Variants in ATP8B4 observed in about 807,000 individuals in gnomAD.
ATP8B4 encodes the protein ATPase phospholipid transporting 8B4 (putative), also known as probable phospholipid-transporting ATPase IM.
In ATP8B4, 133 loss-of-function variants were observed where a neutral mutation model predicts 145.6. The observed-to-expected ratio is 0.91, with a 90% CI of 0.79 to 1.05. The LOEUF (loss-of-function observed/expected upper bound fraction) is 1.05, where lower values mean the gene tolerates loss of function less well. Ranked by LOEUF, ATP8B4 falls within the 50% of genes least tolerant of loss-of-function variation. The probability of loss-of-function intolerance (pLI) is 0.00; values close to 1 mark genes in which losing one functional copy is unlikely to be tolerated. For synonymous variants in ATP8B4, 507 were observed against 492.9 expected, an observed-to-expected ratio of 1.03 and a Z score of -0.38; for missense variants, 1,458 against 1,425.2, an observed-to-expected ratio of 1.02 and a Z score of -0.37.
At chr15:49,978,931 T>C (rs1444543243) in intron 12 of ATP8B4, among the ~76,000 whole-genome samples, 3 of 152,088 alleles carry the variant, frequency 2.0e-5, no homozygotes, top group Non-Finnish European at 4.4e-5. Flanking sequence ...ACAGATCAAA[T>C]TGTAGTAGAA....
At chr15:50,122,352 A>G (rs1222321995), upstream of ATP8B4, among the ~76,000 whole-genome samples, 1 of 152,204 alleles carries the variant, frequency 6.6e-6, no homozygotes, top group African/African-American at 2.4e-5. Flanking sequence ...TGCTGGAAGG[A>G]ATCAGATGTG....
intron 23 of ATP8B4, among the ~76,000 whole-genome samples, chr15:49,888,512 A>C (rs1029653428): frequency 6.6e-6 from 1 of 152,226 alleles, no homozygotes; most frequent in Non-Finnish European, 1.5e-5. Flanking sequence ...ACACAGTACC[A>C]GTAGTTGCAT....
intron 3 of ATP8B4, among the ~76,000 whole-genome samples, chr15:50,054,248 C>T (rs544731169): frequency 6.6e-6 from 1 of 152,294 alleles, no homozygotes; most frequent in South Asian, 2.1e-4. Context: ...CATAACGGAG[C>T]ACCCACCATC....
chr15:50,010,439 A>AT (rs982198929), intron 7 of ATP8B4, among the ~76,000 whole-genome samples: 1 of 151,724 alleles, frequency 6.6e-6, no homozygotes, highest in Non-Finnish European at 1.5e-5. Context: ...TCTCTAGCTT[A>AT]TTTTTTTTCA....
chr15:50,111,516 GC>G (rs957880289), intron 1 of ATP8B4, among the ~76,000 whole-genome samples: 11 of 152,158 alleles, frequency 7.2e-5, no homozygotes, highest in Non-Finnish European at 1.5e-4. Flanking sequence ...AGGACAAATG[GC>G]CCACTCTGGC....
upstream of ATP8B4, chr15:50,119,269 T>C (rs1403053583): frequency 6.6e-6 from 1 of 151,862 alleles, no homozygotes; most frequent in Non-Finnish European, 1.5e-5. Context: ...ACAAACTGGG[T>C]CTCTAGGGGG....
intron 3 of ATP8B4, among the ~76,000 whole-genome samples, chr15:50,063,660 T>C (rs1335064491): frequency 6.6e-6 from 1 of 152,132 alleles, no homozygotes; most frequent in Non-Finnish European, 1.5e-5. Context: ...TTAATAATCT[T>C]TCTCTACTTC....
At chr15:49,924,377 C>T (rs1274612427) in intron 16 of ATP8B4, among the ~76,000 whole-genome samples, 1 of 152,188 alleles carries the variant, frequency 6.6e-6, no homozygotes, top group Non-Finnish European at 1.5e-5. Flanking sequence ...CAACTTAAGA[C>T]AACTGCCTTT....
chr15:49,892,620 C>T (rs1354181444), intron 23 of ATP8B4, among the ~76,000 whole-genome samples: 1 of 152,152 alleles, frequency 6.6e-6, no homozygotes, highest in South Asian at 2.1e-4. Context: ...AGCATCCATT[C>T]CACAATGTCC....
At chr15:50,143,449 T>C (rs56328913) in intron 1 of ATP8B4, among the ~76,000 whole-genome samples, 8,446 of 152,336 alleles carry the variant, frequency 0.055, 270 homozygotes, top group African/African-American at 0.085. Flanking sequence ...GCTGCTTTAG[T>C]GTCCTCATAG....
chr15:50,047,431 GAAT>G lies in ATP8B4; in HGVS notation c.118_120del (p.Ile40del). 1 of 1,594,758 alleles carries G rather than the reference GAAT, an allele frequency of 6.3e-7. No individual in the cohort carries two copies. Among genetic ancestry groups the G allele is most frequent in the Non-Finnish European group, 8.6e-7 (1 of 1,162,560 alleles). ...AATAAATTAATTGGCAAGAAGGTGA[GAAT>G]ATTATATTTCGATGTGTGGATACGA... On this transcript the variant is annotated inframe_deletion, in exon 4 of 28. Coordinates refer to ENST00000284509, the MANE Select transcript of ATP8B4 (RefSeq NM_024837.4).
chr15:50,147,744 G>T (rs770966507), intron 1 of ATP8B4, among the ~76,000 whole-genome samples: 9 of 152,098 alleles, frequency 5.9e-5, no homozygotes, highest in Non-Finnish European at 1.3e-4. Flanking sequence ...TTTGAAAATT[G>T]CTGAGTCTAT....
In ATP8B4 at chr15:50,044,312, C is replaced by CA. The variant is rs897471592; in HGVS notation, c.300+281dup. 2.5e-4 allele frequency among the ~76,000 whole-genome samples: 38 copies of CA among 152,306 alleles called. 1 individual carries two copies. Among genetic ancestry groups the CA allele is most frequent in the African/African-American group, 8.7e-4 (36 of 41,572 alleles). On this transcript the variant is annotated intron_variant, in intron 5 of 27. Transcript: ENST00000284509. Reference sequence around the variant, plus strand: ...AGGTTGATTTCCAATTCTGCTCTTCCACAAATTGGTTGTATTATTAGCAAA... The same window carrying CA: ...AGGTTGATTTCCAATTCTGCTCTTCCAACAAATTGGTTGTATTATTAGCAAA...
chr15:50,132,092 G>A (rs1463607213), intron 1 of ATP8B4, among the ~76,000 whole-genome samples: 1 of 151,906 alleles, frequency 6.6e-6, no homozygotes, highest in East Asian at 1.9e-4. Flanking sequence ...ATTGGCCTGT[G>A]GTTTGGCACC....
intron 1 of ATP8B4, among the ~76,000 whole-genome samples, chr15:50,156,396 G>A (rs1026951108): frequency 1.3e-5 from 2 of 151,850 alleles, no homozygotes; most frequent in Non-Finnish European, 2.9e-5. Flanking sequence ...TTGTTAGACA[G>A]GCAAACCTAA....
intron 14 of ATP8B4, among the ~76,000 whole-genome samples, chr15:49,944,561 T>C (rs563167643): frequency 1.3e-5 from 2 of 152,200 alleles, no homozygotes; most frequent in Non-Finnish European, 2.9e-5. Flanking sequence ...CATCGAAATA[T>C]ATGAAGCAAC....
Position 50,074,074 on chromosome 15 carries a change from G to T in ATP8B4, c.87+53C>A. 6 of 1,508,652 alleles carry T rather than the reference G, an allele frequency of 4.0e-6. No homozygotes were observed. The South Asian group carries it at 6.0e-5, about 15-fold the overall frequency. The allele number at this position is 1,508,652 out of a possible 1,614,324, so 93.5% of individuals were successfully genotyped here. On this transcript the variant is annotated intron_variant, in intron 3 of 27. Transcript: ENST00000284509. ...AGTTCTAGAAGACATGCATCCCACT[G>T]TCTTTAGGTAAGACCTATCCTAGTA...
intron 6 of ATP8B4, among the ~76,000 whole-genome samples, chr15:50,017,088 TA>T: frequency 6.6e-6 from 1 of 152,320 alleles, no homozygotes; most frequent in Admixed American, 6.5e-5. Flanking sequence ...ATTTCAATAC[TA>T]TAAAGTTAAT....
At chr15:50,160,038 T>TTTTTTTTTCTG (rs2044492829) in intron 1 of ATP8B4, among the ~76,000 whole-genome samples, 1 of 143,556 alleles carries the variant, frequency 7.0e-6, no homozygotes, top group Non-Finnish European at 1.5e-5. Context: ...TTTTTTTTTT[T>TTTTTTTTTCTG]GCTGGGAGAC....
Sources: allele counts gnomAD v4.1 joint callset (sites outside exome capture counted in the v4.1 genomes callset), GRCh38; gene constraint gnomAD v4.1.1; transcripts MANE v1.5; gene names NCBI Gene and HGNC (gene_info 2026-07-23, HGNC 2026-07-21).